Variants in CCL26 observed in about 807,000 individuals in gnomAD.
CCL26 encodes C-C motif chemokine ligand 26.
CCL26 carries 10 observed loss-of-function variants against 10.7 expected under a neutral mutation model. That is an observed-to-expected ratio of 0.93 (90% CI 0.57 to 1.58). CCL26 has a LOEUF of 1.58. Among genes scored for constraint, CCL26 ranks in the 40% most tolerant of loss-of-function variants. CCL26 has a pLI of 0.00. For missense variants in CCL26, 116 were observed against 111.0 expected (o/e 1.05, Z -0.20); for synonymous variants, 43 against 41.4 (o/e 1.04, Z -0.15).
intron 1 of CCL26, among the ~76,000 whole-genome samples, chr7:75,787,513 C>T (rs1803223410): frequency 6.6e-6 from 1 of 151,794 alleles, no homozygotes; most frequent in Admixed American, 6.6e-5. Flanking sequence ...AGCGTGGTGG[C>T]AGGCACCTGT....
At chr7:75,781,401 C>G (rs568503940) in intron 1 of CCL26, among the ~76,000 whole-genome samples, 32 of 152,322 alleles carry the variant, frequency 2.1e-4, no homozygotes, top group Non-Finnish European at 7.4e-5. Flanking sequence ...TCCTCCAGAA[C>G]CTCCTACCCC....
At chr7:75,779,600 C>T (rs1390082477) in intron 1 of CCL26, among the ~76,000 whole-genome samples, 5 of 152,206 alleles carry the variant, frequency 3.3e-5, no homozygotes, top group African/African-American at 4.8e-5. Context: ...AAAGGAGATG[C>T]GTTTTATCCG....
intron 1 of CCL26, among the ~76,000 whole-genome samples, chr7:75,785,998 A>G (rs2115691635): frequency 6.6e-6 from 1 of 152,240 alleles, no homozygotes; most frequent in South Asian, 2.1e-4. Context: ...ATCGCAAACT[A>G]TGCTCAACTC....
chr7:75,775,556 G>T (rs1802919511), upstream of CCL26, among the ~76,000 whole-genome samples: 1 of 152,124 alleles, frequency 6.6e-6, no homozygotes. Flanking sequence ...GGGAGCCTGT[G>T]CAGGGCAGAC....
intron 1 of CCL26, among the ~76,000 whole-genome samples, chr7:75,777,748 A>T (rs531532302): frequency 2.9e-5 from 4 of 137,284 alleles, no homozygotes; most frequent in African/African-American, 1.1e-4. Context: ...AAAAAGCAGC[A>T]GCAGCTAGAT....
upstream of CCL26, among the ~76,000 whole-genome samples, chr7:75,775,223 G>A (rs1225946334): frequency 2.6e-4 from 39 of 151,208 alleles, no homozygotes; most frequent in African/African-American, 8.2e-4. Context: ...CATTTCAGAA[G>A]GAAAAAAAAC....
intron 1 of CCL26, among the ~76,000 whole-genome samples, chr7:75,784,835 C>T (rs533279995): frequency 2.0e-5 from 3 of 152,164 alleles, no homozygotes; most frequent in East Asian, 3.9e-4. Context: ...GACACCTCTA[C>T]TCCCCCCTTG....
chr7:75,787,189 C>T (rs189490115), intron 1 of CCL26, among the ~76,000 whole-genome samples: 1 of 152,274 alleles, frequency 6.6e-6, no homozygotes, highest in East Asian at 1.9e-4. Context: ...CGTAATTCCT[C>T]GGTTTGGCCT....
At chr7:75,786,761 T>A (rs1010320687) in intron 1 of CCL26, among the ~76,000 whole-genome samples, 5 of 152,196 alleles carry the variant, frequency 3.3e-5, no homozygotes, top group African/African-American at 9.7e-5. Context: ...CACCTATCAA[T>A]CTTTTCCCAC....
At chr7:75,789,461 CTTTTTT>C (rs35341116) in intron 1 of CCL26, among the ~76,000 whole-genome samples, 1 of 123,002 alleles carries the variant, frequency 8.1e-6, no homozygotes, top group Admixed American at 8.4e-5. Context: ...CTCTTTTTCT[CTTTTTT>C]TTTTTTTTTT....
chr7:75,785,898 T>A (rs1301617258), intron 1 of CCL26, among the ~76,000 whole-genome samples: 1 of 152,174 alleles, frequency 6.6e-6, no homozygotes, highest in Non-Finnish European at 1.5e-5. Context: ...AGCCTTTTTG[T>A]CCAAACAACT....
intron 1 of CCL26, among the ~76,000 whole-genome samples, chr7:75,786,845 C>T (rs1803195924): frequency 6.6e-6 from 1 of 152,198 alleles, no homozygotes; most frequent in Admixed American, 6.5e-5. Context: ...TCTGTCATTT[C>T]ATAACCTCTT....
At chr7:75,788,457 T>C (rs1554530294) in intron 1 of CCL26, among the ~76,000 whole-genome samples, 1 of 152,102 alleles carries the variant, frequency 6.6e-6, no homozygotes, top group African/African-American at 2.4e-5. Flanking sequence ...CTATCTCCCT[T>C]GGCTGACTCT....
chr7:75,782,233 C>T (rs891073488), intron 1 of CCL26, among the ~76,000 whole-genome samples: 17 of 151,816 alleles, frequency 1.1e-4, no homozygotes, highest in African/African-American at 2.4e-4. Flanking sequence ...ACATTTTATT[C>T]GTGGACCCAA....
intron 1 of CCL26, among the ~76,000 whole-genome samples, chr7:75,788,143 A>G (rs1204303974): frequency 6.6e-6 from 1 of 151,966 alleles, no homozygotes; most frequent in African/African-American, 2.4e-5. Flanking sequence ...TATTTTTCTT[A>G]TTAATATAAG....
At chr7:75,772,047 T>G in intron 1 of CCL26, 44 bp from the exon 2 acceptor site, 4 of 1,605,060 alleles carry the variant, frequency 2.5e-6, no homozygotes, top group Non-Finnish European at 3.4e-6. Context: ...CTCATTTCCA[T>G]CCACTCCCAG....
upstream of CCL26, among the ~76,000 whole-genome samples, chr7:75,773,675 A>C (rs1802877660): frequency 6.6e-6 from 1 of 151,904 alleles, no homozygotes; most frequent in Non-Finnish European, 1.5e-5. Flanking sequence ...CAGGAGGTTG[A>C]GATCAGCCTG....
chr7:75,772,694 C>T (rs565352033), upstream of CCL26, among the ~76,000 whole-genome samples: 26 of 148,272 alleles, frequency 1.8e-4, no homozygotes, highest in African/African-American at 6.2e-4. Context: ...CAAAAAAAAA[C>T]AAGTGACAGA....
chr7:75,769,729 T>C lies in CCL26; in HGVS notation c.249A>G (p.Lys83=), dbSNP rs781788714. 6.8e-6 allele frequency: 11 copies of C among 1,613,026 alleles called. 1 individual carries two copies. In the Middle Eastern group the frequency reaches 4.9e-4, roughly 72 times the overall value. ...CTHPRKKWVQ[K]YISLLKTPKQ... ...TCGGAGTTTTCAGTAAAGAAATGTA[T>C]TTTTGCACCCATTTTTTCCTTGGAT... Residue 83 remains lysine (K), a synonymous_variant, in exon 3 of 3, where the codon AAA becomes AAG. Coordinates refer to ENST00000005180, the MANE Select transcript of CCL26 (RefSeq NM_001371938.1).
Sources: allele counts gnomAD v4.1 joint callset (sites outside exome capture counted in the v4.1 genomes callset), GRCh38; gene constraint gnomAD v4.1.1; transcripts MANE v1.5; gene names NCBI Gene and HGNC (gene_info 2026-07-23, HGNC 2026-07-21).